The following RBFOX1 variants were observed in gnomAD, a reference collection of about 807,000 sequenced individuals.
RBFOX1 encodes RNA binding protein fox-1 homolog 1.
Under a neutral mutation model 57.7 loss-of-function variants are expected in RBFOX1, and 8 were observed. The ratio of observed to expected loss-of-function variants is 0.14; its 90% CI spans 0.08 to 0.25. RBFOX1 has a LOEUF of 0.25. Among genes scored for constraint, RBFOX1 ranks in the 10% least tolerant of loss-of-function variants. RBFOX1 has a pLI of 1.00. For synonymous variants in RBFOX1, 326 were observed against 222.4 expected (o/e 1.47, Z -4.15); for missense variants, 611 against 548.5 (o/e 1.11, Z -1.14).
At chr16:5,377,396 G>A (rs2066013140) in intron 1 of RBFOX1, among the ~76,000 whole-genome samples, 1 of 151,334 alleles carries the variant, frequency 6.6e-6, no homozygotes, top group Non-Finnish European at 1.5e-5. Flanking sequence ...AGAAGGAGTT[G>A]ACCAGGCAAA....
chr16:7,123,600 A>G (rs2067707847), intron 4 of RBFOX1, among the ~76,000 whole-genome samples: 1 of 152,110 alleles, frequency 6.6e-6, no homozygotes, highest in South Asian at 2.1e-4. Context: ...CCTGGCCTCA[A>G]GCAATCCTCC....
intron 3 of RBFOX1, among the ~76,000 whole-genome samples, chr16:5,756,273 T>A (rs941633945): frequency 6.9e-6 from 1 of 145,352 alleles, no homozygotes; most frequent in South Asian, 2.2e-4. Context: ...CTGCAGTGTA[T>A]GGACATATGA....
At chr16:5,860,631 G>C (rs1429949860) in intron 3 of RBFOX1, among the ~76,000 whole-genome samples, 1 of 152,162 alleles carries the variant, frequency 6.6e-6, no homozygotes. Flanking sequence ...TTCCAAAATA[G>C]TGAGGTCCAG....
At chr16:6,571,145 G>A (rs1327989310) in intron 2 of RBFOX1, among the ~76,000 whole-genome samples, 1 of 152,144 alleles carries the variant, frequency 6.6e-6, no homozygotes, top group African/African-American at 2.4e-5. Context: ...ATCATTTCAG[G>A]CATATAGCCC....
At chr16:6,912,371 C>T (rs774108552) in intron 3 of RBFOX1, among the ~76,000 whole-genome samples, 21 of 151,960 alleles carry the variant, frequency 1.4e-4, no homozygotes, top group Middle Eastern at 3.2e-3. Context: ...ATGTGGATCT[C>T]GGAGTGGGGA....
At chr16:5,303,971 G>T (rs1372091718) in intron 1 of RBFOX1, among the ~76,000 whole-genome samples, 1 of 152,032 alleles carries the variant, frequency 6.6e-6, no homozygotes, top group African/African-American at 2.4e-5. Flanking sequence ...ATCTTAAATG[G>T]AACTTTTCTC....
At chr16:7,225,049 A>G (rs1321283401) in intron 4 of RBFOX1, among the ~76,000 whole-genome samples, 1 of 152,188 alleles carries the variant, frequency 6.6e-6, no homozygotes, top group Non-Finnish European at 1.5e-5. Context: ...GCCGGAGTTA[A>G]ATAAAGTGAT....
intron 1 of RBFOX1, among the ~76,000 whole-genome samples, chr16:6,123,994 C>A (rs1408196449): frequency 6.6e-6 from 1 of 152,162 alleles, no homozygotes; most frequent in Non-Finnish European, 1.5e-5. Flanking sequence ...AAAATGAAGT[C>A]TTGCTTGGCC....
intron 2 of RBFOX1, among the ~76,000 whole-genome samples, chr16:6,338,433 T>C (rs1304658098): frequency 6.6e-6 from 1 of 152,218 alleles, no homozygotes; most frequent in East Asian, 1.9e-4. Flanking sequence ...ACTCTGGGCG[T>C]GTGCCTAGAT....
At position 5,947,228 on chromosome 16, in the gene RBFOX1, A is replaced by T. The variant is rs1013335527; in HGVS notation, c.351+79893A>T. ...GAGACTCTGTCTCTAAAACAAAACA[A>T]ACCAGAAGAAAGGCTACTAAGGCTG... is the stretch of plus-strand genomic sequence containing the variant. On this transcript the variant is annotated intron_variant, in intron 4 of 19. Coordinates refer to the RBFOX1 transcript ENST00000641259. This position sits in a 1 kb window ranked among gnomAD's most constrained non-coding sequence, Gnocchi z 7.2. Among the ~76,000 whole-genome samples the T allele has an allele frequency of 6.6e-6, 1 of 152,112 alleles. No homozygotes were observed. The highest frequency in any genetic ancestry group is 6.5e-5 in the Admixed American group (1 of 15,278).
intron 2 of RBFOX1, chr16:6,483,237 C>A (rs1181071330): frequency 3.2e-6 from 4 of 1,237,846 alleles, no homozygotes; most frequent in South Asian, 2.7e-5. Flanking sequence ...GCCCTGGCGC[C>A]GCCGTGGCCT....
intron 3 of RBFOX1, among the ~76,000 whole-genome samples, chr16:5,843,122 A>C (rs112717506): frequency 1.3e-5 from 2 of 152,028 alleles, no homozygotes; most frequent in East Asian, 1.9e-4. Flanking sequence ...CCACCACGCC[A>C]GGCCTATTAT....
chr16:7,036,641 C>T (rs559819573), intron 3 of RBFOX1, among the ~76,000 whole-genome samples: 5 of 151,498 alleles, frequency 3.3e-5, no homozygotes, highest in South Asian at 2.1e-4. Context: ...TGCAGTGAAC[C>T]GAAATCGTGC....
At chr16:5,812,862 T>C (rs530273691) in intron 3 of RBFOX1, among the ~76,000 whole-genome samples, 2 of 152,338 alleles carry the variant, frequency 1.3e-5, no homozygotes, top group African/African-American at 4.8e-5. Context: ...TTGAGTATCT[T>C]TCAACTTCTG....
At chr16:6,806,169 G>T (rs1206016627) in intron 3 of RBFOX1, among the ~76,000 whole-genome samples, 1 of 152,124 alleles carries the variant, frequency 6.6e-6, no homozygotes, top group Admixed American at 6.6e-5. Context: ...GTATAGAATT[G>T]CCACAGGTCA....
chr16:6,899,209 A>T (rs183153763), intron 3 of RBFOX1, among the ~76,000 whole-genome samples: 1 of 147,696 alleles, frequency 6.8e-6, no homozygotes, highest in Non-Finnish European at 1.5e-5. Flanking sequence ...ATGTGTGTAT[A>T]TGTGTGTGTA....
intron 3 of RBFOX1, among the ~76,000 whole-genome samples, chr16:6,865,607 A>C: frequency 6.6e-6 from 1 of 152,146 alleles, no homozygotes; most frequent in East Asian, 1.9e-4. Context: ...TTATTTTTTA[A>C]TTTAATAAGA....
chr16:7,178,139 C>T (rs956017815), intron 4 of RBFOX1, among the ~76,000 whole-genome samples: 1 of 152,210 alleles, frequency 6.6e-6, no homozygotes, highest in African/African-American at 2.4e-5. Context: ...GCAGCAACAA[C>T]AACAACAAAC....
At chr16:6,222,117 T>C (rs1022211291) in intron 1 of RBFOX1, among the ~76,000 whole-genome samples, 1 of 152,162 alleles carries the variant, frequency 6.6e-6, no homozygotes, top group Non-Finnish European at 1.5e-5. Context: ...TCCAGCATGA[T>C]GTCTTTCCAA....
Sources: gnomAD v4.1 joint callset for allele counts (sites outside exome capture counted in the v4.1 genomes callset) on GRCh38, gnomAD v4.1.1 for gene constraint, Gnocchi (gnomAD v3.1) non-coding constraint, MANE v1.5 for transcripts, NCBI Gene and HGNC (gene_info 2026-07-23, HGNC 2026-07-21) for gene names.